Variants in UNC13C observed in about 807,000 individuals in gnomAD.
UNC13C encodes the protein unc-13 homolog C.
UNC13C carries 174 observed loss-of-function variants against 245.4 expected under a neutral mutation model. That is an observed-to-expected ratio of 0.71 (90% confidence interval 0.63 to 0.80). The LOEUF is 0.80. UNC13C is among the 30% of genes least tolerant of loss of function. The pLI is 0.00. For synonymous variants in UNC13C, 992 were observed against 895.1 expected (o/e 1.11, Z -1.93); for missense variants, 2,829 against 2,602.9 (o/e 1.09, Z -1.89).
intron 2 of UNC13C, among the ~76,000 whole-genome samples, chr15:54,056,447 A>G (rs1254208481): frequency 6.6e-6 from 1 of 152,216 alleles, no homozygotes; most frequent in Non-Finnish European, 1.5e-5. Context: ...CCTCCAAGAA[A>G]TATGGGACTA....
intron 19 of UNC13C, among the ~76,000 whole-genome samples, chr15:54,455,822 C>A (rs928182417): frequency 1.3e-5 from 2 of 152,078 alleles, no homozygotes; most frequent in Non-Finnish European, 2.9e-5. Flanking sequence ...TGTGGGATGT[C>A]TGTTTACTCT....
chr15:54,167,858 A>G (rs1398941905), intron 4 of UNC13C, among the ~76,000 whole-genome samples: 1 of 152,138 alleles, frequency 6.6e-6, no homozygotes, highest in Admixed American at 6.5e-5. Flanking sequence ...GGAGTGGCCA[A>G]TAAGCATATG....
At chr15:53,870,425 AC>A in the UNC13C span, among the ~76,000 whole-genome samples, 1 of 93,878 alleles carries the variant, frequency 1.1e-5, no homozygotes, top group Non-Finnish European at 2.1e-5. Context: ...TTTCCTTCCC[AC>A]CCCCCACCCC....
intron 4 of UNC13C, among the ~76,000 whole-genome samples, chr15:54,146,767 A>G (rs2032278504): frequency 6.6e-6 from 1 of 152,224 alleles, no homozygotes; most frequent in Admixed American, 6.5e-5. Flanking sequence ...CAATATGAAA[A>G]GTACAAGAGG....
the UNC13C span, among the ~76,000 whole-genome samples, chr15:53,927,272 T>C: frequency 6.6e-6 from 1 of 152,150 alleles, no homozygotes; most frequent in South Asian, 2.1e-4. Flanking sequence ...CTGCTGCCAC[T>C]CAGGGTTAGT....
At chr15:54,601,696 G>A (rs961558208) in intron 30 of UNC13C, among the ~76,000 whole-genome samples, 5 of 152,124 alleles carry the variant, frequency 3.3e-5, no homozygotes, top group East Asian at 3.9e-4. Context: ...TGACTGGTTC[G>A]GACATCCATC....
intron 2 of UNC13C, among the ~76,000 whole-genome samples, chr15:54,073,372 T>C (rs1317850538): frequency 2.0e-5 from 3 of 152,232 alleles, no homozygotes; most frequent in Non-Finnish European, 4.4e-5. Context: ...AGTTGAATGA[T>C]TTATAATCCT....
At chr15:54,441,913 T>G (rs987196711) in intron 19 of UNC13C, among the ~76,000 whole-genome samples, 1 of 152,048 alleles carries the variant, frequency 6.6e-6, no homozygotes, top group African/African-American at 2.4e-5. Flanking sequence ...CTTTGTTTAA[T>G]TTATTCTTAG....
the UNC13C span, among the ~76,000 whole-genome samples, chr15:53,943,793 A>G: frequency 2.0e-5 from 3 of 152,016 alleles, no homozygotes; most frequent in African/African-American, 7.2e-5. Flanking sequence ...GAGGATCTGT[A>G]TTTGGTACAT....
At chr15:54,266,016 G>A (rs961523311) in intron 10 of UNC13C, among the ~76,000 whole-genome samples, 4 of 151,906 alleles carry the variant, frequency 2.6e-5, no homozygotes, top group Non-Finnish European at 5.9e-5. Context: ...TTACTGAAAA[G>A]CAGAAACTCA....
chr15:54,297,972 TGATTATG>T, intron 12 of UNC13C, 46 bp downstream of exon 12: 1 of 1,239,218 alleles, frequency 8.1e-7, no homozygotes, highest in East Asian at 2.5e-5. Flanking sequence ...GAAATGTTCT[TGATTATG>T]GATTATAAAA....
At chr15:54,475,921 C>G (rs938843823) in intron 19 of UNC13C, among the ~76,000 whole-genome samples, 1 of 111,508 alleles carries the variant, frequency 9.0e-6, no homozygotes, top group African/African-American at 3.4e-5. Context: ...TACAGTCCCA[C>G]CAACAGTGTA....
intron 2 of UNC13C, among the ~76,000 whole-genome samples, chr15:54,124,804 GAAGTTTAGGTAAAGTTTC>G (rs71425784): frequency 0.38 from 57,521 of 151,568 alleles, 10,965 homozygotes; most frequent in African/African-American, 0.41. Flanking sequence ...CAAAAAATGT[GAAGTTTAGGTAAAGTTTC>G]CTCTTTTTAA....
the UNC13C span, chr15:53,913,713 G>A: frequency 6.6e-6 from 1 of 152,302 alleles, no homozygotes; most frequent in South Asian, 2.1e-4. Flanking sequence ...AGGAAGTCTT[G>A]GGACCTGTAG....
At chr15:54,161,412 G>A (rs1397269483) in intron 4 of UNC13C, among the ~76,000 whole-genome samples, 4 of 152,084 alleles carry the variant, frequency 2.6e-5, no homozygotes, top group South Asian at 2.1e-4. Context: ...GTACAAGTCC[G>A]CTATTTGACA....
intron 30 of UNC13C, among the ~76,000 whole-genome samples, chr15:54,600,685 T>TAGAA (rs1167930282): frequency 6.6e-6 from 1 of 152,174 alleles, no homozygotes; most frequent in African/African-American, 2.4e-5. Flanking sequence ...TGTTTGTTTT[T>TAGAA]TATCTTTCTT....
chr15:54,181,349 T>C (rs556652217), intron 4 of UNC13C, among the ~76,000 whole-genome samples: 3 of 152,264 alleles, frequency 2.0e-5, no homozygotes, highest in South Asian at 4.1e-4. Flanking sequence ...TTCTGTTCCA[T>C]TGGTCTATAT....
intron 1 of UNC13C, among the ~76,000 whole-genome samples, chr15:53,994,608 C>A (rs371299137): frequency 5.8e-4 from 88 of 151,916 alleles, no homozygotes; most frequent in African/African-American, 2.1e-3. Flanking sequence ...TCTCCCAGTG[C>A]AACATTCATT....
At chr15:54,414,865 A>G in intron 18 of UNC13C, 117 bp from the exon 19 acceptor site, 1 of 550,268 alleles carries the variant, frequency 1.8e-6, no homozygotes, top group Non-Finnish European at 3.1e-6. Context: ...AAATGTCATA[A>G]ATAAAAGTAT....
Sources: gnomAD v4.1 joint callset for allele counts (sites outside exome capture counted in the v4.1 genomes callset) on GRCh38, gnomAD v4.1.1 for gene constraint, MANE v1.5 for transcripts, NCBI Gene and HGNC (gene_info 2026-07-23, HGNC 2026-07-21) for gene names.